The following ZNF599 variants were observed in gnomAD, a reference collection of about 807,000 sequenced individuals.
The protein encoded by ZNF599 is zinc finger protein 599.
Under a neutral mutation model 11.7 loss-of-function variants are expected in ZNF599, and 10 were observed. The observed-to-expected ratio is 0.86, with a 90% CI of 0.53 to 1.45. The LOEUF is 1.45. Ranked by LOEUF, ZNF599 falls within the 40% of genes most tolerant of loss-of-function variation. The probability of loss-of-function intolerance (pLI) is 0.00; values close to 1 mark genes in which losing one functional copy is unlikely to be tolerated. For missense variants in ZNF599, 688 were observed against 713.6 expected, an observed-to-expected ratio of 0.96 and a Z score of 0.41; for synonymous variants, 232 against 253.2, an observed-to-expected ratio of 0.92 and a Z score of 0.79.
intron 1 of ZNF599, among the ~76,000 whole-genome samples, chr19:34,771,495 G>A (rs556211993): frequency 6.6e-6 from 1 of 152,338 alleles, no homozygotes; most frequent in Non-Finnish European, 1.5e-5. Context: ...GTTGCTGTTA[G>A]TATTTTTCCT....
intron 3 of ZNF599, among the ~76,000 whole-genome samples, chr19:34,762,497 A>C (rs2145452884): frequency 6.6e-6 from 1 of 152,328 alleles, no homozygotes; most frequent in Non-Finnish European, 1.5e-5. Flanking sequence ...AACTTTACTA[A>C]GAGAAACTCC....
chr19:34,788,550 A>C, the ZNF599 span: 1 of 152,248 alleles, frequency 6.6e-6, no homozygotes, highest in Non-Finnish European at 1.5e-5. Context: ...TAAGAAATTT[A>C]ATGGAAAATT....
upstream of ZNF599, among the ~76,000 whole-genome samples, chr19:34,776,833 A>G (rs546372408): frequency 4.0e-4 from 61 of 152,318 alleles, no homozygotes; most frequent in Non-Finnish European, 4.7e-4. Context: ...TTTTGCAGTC[A>G]TATTTATACC....
At chr19:34,773,493 C>T (rs1261580072), upstream of ZNF599, among the ~76,000 whole-genome samples, 1 of 152,172 alleles carries the variant, frequency 6.6e-6, no homozygotes, top group Non-Finnish European at 1.5e-5. Context: ...AGGCAACTCA[C>T]GCCTTGACTT....
At chr19:34,780,191 C>T in the ZNF599 span, among the ~76,000 whole-genome samples, 27 of 152,222 alleles carry the variant, frequency 1.8e-4, no homozygotes, top group East Asian at 4.8e-3. Flanking sequence ...TGGTATCCAG[C>T]CAGGTGCAAA....
At chr19:34,777,499 ATT>A (rs1491541285), upstream of ZNF599, among the ~76,000 whole-genome samples, 1 of 110,236 alleles carries the variant, frequency 9.1e-6, no homozygotes, top group African/African-American at 3.7e-5. Context: ...TATGATATAT[ATT>A]AATATATTAT....
chr19:34,797,578 T>G, the ZNF599 span, among the ~76,000 whole-genome samples: 1 of 152,196 alleles, frequency 6.6e-6, no homozygotes, highest in Non-Finnish European at 1.5e-5. Flanking sequence ...TGATGAGCAT[T>G]TTTTCATGTG....
At position 34,772,973 on chromosome 19, in the gene ZNF599, T is replaced by C. The variant is rs1398840272; in HGVS notation, c.-132A>G. The C allele has an allele frequency of 8.8e-7, 1 of 1,142,816 alleles. No individual in the cohort carries two copies. Among genetic ancestry groups the C allele is most frequent in the Non-Finnish European group, 1.2e-6 (1 of 854,756 alleles). The allele number at this position is 1,142,816 out of a possible 1,614,324, so 70.8% of individuals were successfully genotyped here. On this transcript the variant is annotated 5_prime_UTR_variant, in exon 1 of 4. Transcript: ENST00000329285. ...GCCGTCGTGTAAAATGCACACAAGG[T>C]TCGCGGCGCCGCCTCTGCGCGCCGT...
upstream of ZNF599, among the ~76,000 whole-genome samples, chr19:34,778,165 G>A (rs1052446968): frequency 6.6e-6 from 1 of 151,904 alleles, no homozygotes; most frequent in African/African-American, 2.4e-5. Context: ...AAAAATCTCT[G>A]GGACACAGCT....
the ZNF599 span, among the ~76,000 whole-genome samples, chr19:34,786,269 T>G: frequency 6.6e-6 from 1 of 152,276 alleles, no homozygotes; most frequent in Admixed American, 6.5e-5. Flanking sequence ...ACATTTCCTC[T>G]TAGTGCTTTT....
the ZNF599 span, among the ~76,000 whole-genome samples, chr19:34,785,716 G>C: frequency 2.4e-4 from 36 of 152,204 alleles, no homozygotes; most frequent in African/African-American, 8.7e-4. Flanking sequence ...AACAGGGTGG[G>C]AATGTGAGAA....
At chr19:34,766,662 G>A (rs1288838891) in intron 3 of ZNF599, among the ~76,000 whole-genome samples, 4 of 152,200 alleles carry the variant, frequency 2.6e-5, no homozygotes, top group Non-Finnish European at 5.9e-5. Context: ...TCTTTCAAAT[G>A]TAGGCTAAGT....
Position 34,772,881 on chromosome 19 carries a change from G to A in ZNF599, c.-40C>T. ...GGGTGAGGCCGTGAGAGTCGGCGAGGAAGCCGGTCCTGCGGGCTCGGCCGA... is the reference window on the plus strand; with the variant it reads ...GGGTGAGGCCGTGAGAGTCGGCGAGAAAGCCGGTCCTGCGGGCTCGGCCGA... On this transcript the variant is annotated 5_prime_UTR_variant, in exon 1 of 4. Coordinates refer to ENST00000329285, the MANE Select transcript of ZNF599 (RefSeq NM_001007248.3). 1 of 1,430,942 alleles carries A rather than the reference G, an allele frequency of 7.0e-7. No homozygotes were observed. 88.6% of individuals were successfully genotyped at this position (1,430,942 alleles called of 1,614,324 possible). A position where few individuals can be genotyped will look rare whatever the true frequency, so the allele number is the denominator to read the frequency against.
intron 2 of ZNF599, among the ~76,000 whole-genome samples, chr19:34,767,965 G>A (rs2069156145): frequency 6.6e-6 from 1 of 152,176 alleles, no homozygotes; most frequent in Non-Finnish European, 1.5e-5. Context: ...GGTGAAACTG[G>A]CAGGAGGTGG....
upstream of ZNF599, among the ~76,000 whole-genome samples, chr19:34,775,904 A>G: frequency 6.6e-6 from 1 of 152,358 alleles, no homozygotes. Flanking sequence ...TTCTTTAAAA[A>G]GAATCCTATT....
chr19:34,769,714 T>C (rs2069169918), intron 1 of ZNF599, among the ~76,000 whole-genome samples, 159 bp from the exon 2 acceptor site: 1 of 152,186 alleles, frequency 6.6e-6, no homozygotes, highest in Non-Finnish European at 1.5e-5. Flanking sequence ...GCTGACAGAA[T>C]ACAAAGATGT....
the ZNF599 span, among the ~76,000 whole-genome samples, chr19:34,801,049 A>G: frequency 2.0e-5 from 3 of 152,094 alleles, no homozygotes; most frequent in African/African-American, 4.8e-5. Context: ...CAGTCCTTCC[A>G]CCTCTGTGTG....
At chr19:34,788,216 A>C in the ZNF599 span, among the ~76,000 whole-genome samples, 1 of 152,176 alleles carries the variant, frequency 6.6e-6, no homozygotes, top group Non-Finnish European at 1.5e-5. Context: ...CCAATGTCCC[A>C]TGGATCCCAA....
the ZNF599 span, among the ~76,000 whole-genome samples, chr19:34,797,702 A>G: frequency 3.9e-5 from 6 of 152,354 alleles, no homozygotes; most frequent in East Asian, 1.2e-3. Flanking sequence ...AGCAATTTCT[A>G]ACAGAGCCTT....
Sources: gnomAD v4.1 joint callset for allele counts (sites outside exome capture counted in the v4.1 genomes callset) on GRCh38, gnomAD v4.1.1 for gene constraint, MANE v1.5 for transcripts, NCBI Gene and HGNC (gene_info 2026-07-23, HGNC 2026-07-21) for gene names.